Variants in LUZP2 observed in about 807,000 individuals in gnomAD.
LUZP2 encodes the protein leucine zipper protein 2.
LUZP2 carries 52 observed loss-of-function variants against 51.6 expected under a neutral mutation model. The ratio of observed to expected loss-of-function variants is 1.01; its 90% CI spans 0.81 to 1.27. The LOEUF is 1.27. Among genes scored for constraint, LUZP2 ranks in the 50% most tolerant of loss-of-function variants. The pLI, the probability that LUZP2 is intolerant of heterozygous loss-of-function variation, is 0.00. For missense variants in LUZP2, 436 were observed against 395.4 expected, an observed-to-expected ratio of 1.10 and a Z score of -0.87; for synonymous variants, 154 against 137.3, an observed-to-expected ratio of 1.12 and a Z score of -0.85.
At chr11:24,828,927 G>C (rs2631501) in intron 5 of LUZP2, among the ~76,000 whole-genome samples, 1 of 152,174 alleles carries the variant, frequency 6.6e-6, no homozygotes, top group Non-Finnish European at 1.5e-5. Flanking sequence ...GGTAGGAGAG[G>C]GACCAGGGAG....
At chr11:24,961,041 A>G (rs1855383243) in intron 7 of LUZP2, among the ~76,000 whole-genome samples, 1 of 151,936 alleles carries the variant, frequency 6.6e-6, no homozygotes, top group African/African-American at 2.4e-5. Context: ...TTCAGTTTCC[A>G]TGTAGTTGAG....
chr11:24,807,068 A>C (rs1351581432), intron 5 of LUZP2, among the ~76,000 whole-genome samples: 1 of 146,876 alleles, frequency 6.8e-6, no homozygotes, highest in East Asian at 2.0e-4. Context: ...TAGATACTTT[A>C]GACCATGGCA....
intron 5 of LUZP2, among the ~76,000 whole-genome samples, chr11:24,868,236 T>G (rs201177634): frequency 1.5e-5 from 2 of 131,936 alleles, no homozygotes; most frequent in African/African-American, 2.8e-5. Flanking sequence ...AAGACAGAGA[T>G]AAATTCTTCC....
chr11:24,926,293 G>A lies in LUZP2; in HGVS notation c.522+11755G>A, dbSNP rs28765530. Among the ~76,000 whole-genome samples, 227 of 129,276 alleles carry A rather than the reference G, an allele frequency of 1.8e-3. 15 individuals carry two copies. The highest frequency in any genetic ancestry group is 6.4e-3 in the African/African-American group (206 of 32,040). The allele number at this position is 129,276 out of a possible 152,430, so 84.8% of individuals were successfully genotyped here. On this transcript the variant is annotated intron_variant, in intron 7 of 11. Coordinates refer to ENST00000336930, the MANE Select transcript of LUZP2 (RefSeq NM_001009909.4). ...TATACGTGTATATATATATACGTGT[G>A]TATATATATACGTGTGTATATATAT... is the stretch of plus-strand genomic sequence containing the variant.
At chr11:24,977,918 T>C (rs1855925102) in intron 8 of LUZP2, among the ~76,000 whole-genome samples, 1 of 151,612 alleles carries the variant, frequency 6.6e-6, no homozygotes. Flanking sequence ...GGAAATACTC[T>C]GATGTCAAGG....
intron 5 of LUZP2, among the ~76,000 whole-genome samples, chr11:24,775,082 A>G (rs557180155): frequency 2.0e-5 from 3 of 152,084 alleles, no homozygotes; most frequent in East Asian, 3.9e-4. Flanking sequence ...CATTGAAATG[A>G]GCGTTTTACA....
chr11:24,758,902 C>T (rs1859873200), intron 4 of LUZP2, among the ~76,000 whole-genome samples: 1 of 151,606 alleles, frequency 6.6e-6, no homozygotes, highest in African/African-American at 2.4e-5. Flanking sequence ...GATGATCTTC[C>T]TCATTGAATT....
intron 7 of LUZP2, among the ~76,000 whole-genome samples, chr11:24,963,148 C>T (rs1418532460): frequency 6.6e-6 from 1 of 152,062 alleles, no homozygotes; most frequent in Non-Finnish European, 1.5e-5. Flanking sequence ...AGTACCCGGC[C>T]GTGTGAAGTG....
rs1355547337 is a variant in LUZP2 at position 24,729,206 on chromosome 11, G to T, written c.100G>T (p.Val34Phe). The change falls in exon 2 of 12, where the codon GTC (valine) becomes TTC (phenylalanine). Residue 34 changes from valine (V) to phenylalanine (F), a missense_variant. By Grantham distance (50) the Val-to-Phe change is conservative (BLOSUM62 -1). Transcript: ENST00000336930. ...AGAGCTAGAAAAGCAGCTGAAAGAA[G>T]TCTTTAAGGAGCGAAGCACCATTCT... ...YEELEKQLKEVFKERSTILRQ... is the reference protein window; with the variant it reads ...YEELEKQLKEFFKERSTILRQ... 6.3e-7 allele frequency: 1 copy of T among 1,577,170 alleles called. No individual in the cohort carries two copies. Among genetic ancestry groups the T allele is most frequent in the East Asian group, 2.3e-5 (1 of 43,756 alleles).
At chr11:24,913,762 A>C (rs1590722031) in intron 6 of LUZP2, among the ~76,000 whole-genome samples, 1 of 151,944 alleles carries the variant, frequency 6.6e-6, no homozygotes, top group East Asian at 1.9e-4. Context: ...GTAAAGAATC[A>C]GTACCTATAA....
chr11:24,821,868 AAT>A (rs1195508678), intron 5 of LUZP2, among the ~76,000 whole-genome samples: 1 of 144,726 alleles, frequency 6.9e-6, no homozygotes, highest in African/African-American at 2.7e-5. Flanking sequence ...ATATGCCAGA[AAT>A]ATTTATATAT....
intron 1 of LUZP2, among the ~76,000 whole-genome samples, chr11:24,517,074 A>AT (rs1850488499): frequency 6.6e-6 from 1 of 152,104 alleles, no homozygotes; most frequent in South Asian, 2.1e-4. Flanking sequence ...TCTTTATCAT[A>AT]TTTTTTGTGT....
At position 25,078,611 on chromosome 11, in the gene LUZP2, T is replaced by C. The variant is rs1230270808; in HGVS notation, c.994T>C (p.Leu332=). 1 of 1,611,872 alleles carries C rather than the reference T, an allele frequency of 6.2e-7. No individual in the cohort carries two copies. Among genetic ancestry groups the C allele is most frequent in the Non-Finnish European group, 8.5e-7 (1 of 1,179,542 alleles). The stretch of plus-strand genomic sequence containing the variant: ...GGTGAAAAAAGCCCCAGAAAAACCA[T>C]TGACCAGCTTTGAAGGGATGGCAGC... The part of the protein sequence containing the change: ...CEVKKAPEKP[L]TSFEGMAARE... Residue 332 remains leucine (L), a synonymous_variant, in exon 12 of 12, where the codon TTG becomes CTG. Coordinates refer to ENST00000336930, the MANE Select transcript of LUZP2 (RefSeq NM_001009909.4).
chr11:24,566,173 C>G (rs1450511862), intron 1 of LUZP2, among the ~76,000 whole-genome samples: 1 of 151,422 alleles, frequency 6.6e-6, no homozygotes, highest in Non-Finnish European at 1.5e-5. Context: ...ACAAAGACTT[C>G]ATGAAAAGCT....
At chr11:24,638,282 T>C (rs967724789) in intron 1 of LUZP2, among the ~76,000 whole-genome samples, 1 of 151,754 alleles carries the variant, frequency 6.6e-6, no homozygotes, top group Non-Finnish European at 1.5e-5. Flanking sequence ...AAATCGATTA[T>C]ACATTTAGCT....
At chr11:24,539,578 C>T (rs1851290833) in intron 1 of LUZP2, among the ~76,000 whole-genome samples, 2 of 151,840 alleles carry the variant, frequency 1.3e-5, no homozygotes, top group Non-Finnish European at 2.9e-5. Context: ...GAAAATATGC[C>T]AGGAAGTAAA....
At chr11:24,608,566 G>C (rs1429890635) in intron 1 of LUZP2, among the ~76,000 whole-genome samples, 2 of 152,140 alleles carry the variant, frequency 1.3e-5, no homozygotes, top group Non-Finnish European at 2.9e-5. Context: ...AGAAGAAAAA[G>C]TTAAGATTTT....
At chr11:25,024,047 C>A (rs1226837770) in intron 9 of LUZP2, among the ~76,000 whole-genome samples, 1 of 152,112 alleles carries the variant, frequency 6.6e-6, no homozygotes, top group African/African-American at 2.4e-5. Flanking sequence ...GGGTGCTTTA[C>A]TTCCAACTAT....
At chr11:24,928,335 C>T (rs1289853253) in intron 7 of LUZP2, among the ~76,000 whole-genome samples, 2 of 151,984 alleles carry the variant, frequency 1.3e-5, no homozygotes, top group African/African-American at 4.8e-5. Flanking sequence ...GGAATGCTTT[C>T]AACTTCTCCT....
Sources: gnomAD v4.1 joint callset for allele counts (sites outside exome capture counted in the v4.1 genomes callset) on GRCh38, gnomAD v4.1.1 for gene constraint, MANE v1.5 for transcripts, NCBI Gene and HGNC (gene_info 2026-07-23, HGNC 2026-07-21) for gene names.